Variants in RIPOR3 observed in about 807,000 individuals in gnomAD.
The protein encoded by RIPOR3 is family with sequence similarity 65 member C.
RIPOR3 carries 95 observed loss-of-function variants against 114.3 expected under a neutral mutation model. The observed-to-expected ratio is 0.83, with a 90% confidence interval of 0.70 to 0.99. RIPOR3 has a LOEUF of 0.99. Among genes scored for constraint, RIPOR3 ranks in the 50% least tolerant of loss-of-function variants. RIPOR3 has a pLI of 0.00. For missense variants in RIPOR3, 1,252 were observed against 1,266.9 expected (o/e 0.99, Z 0.18); for synonymous variants, 575 against 543.8 (o/e 1.06, Z -0.80).
At chr20:50,600,517 G>A (rs755514033) in intron 13 of RIPOR3, among the ~76,000 whole-genome samples, 5 of 152,170 alleles carry the variant, frequency 3.3e-5, no homozygotes, top group Non-Finnish European at 7.3e-5. Context: ...CCAACGCTTC[G>A]GGAGGCTGAG....
intron 1 of RIPOR3, among the ~76,000 whole-genome samples, chr20:50,667,905 G>A (rs1445867919): frequency 1.3e-5 from 2 of 152,202 alleles, no homozygotes; most frequent in Non-Finnish European, 2.9e-5. Context: ...GTGGAAAGGG[G>A]ATACTAATAC....
chr20:50,604,681 G>A lies in RIPOR3; in HGVS notation c.1050C>T (p.Pro350=), dbSNP rs1487625140. 1.9e-6 allele frequency: 3 copies of A among 1,609,564 alleles called. No homozygotes were observed. The highest frequency in any genetic ancestry group is 2.2e-5 in the East Asian group (1 of 44,454). The stretch of plus-strand genomic sequence containing the variant: ...TCTCCCGGAAGCTGGGGGTGCTCGG[G>A]GGTGTCCAGTTGTACAAGGAGCCCT... ...SRKGSLYNWT[P]PSTPSFRERY... The change falls in exon 12 of 22, where the codon CCC becomes CCT. Residue 350 remains proline (P), a synonymous_variant. Coordinates refer to ENST00000327979, the MANE Select transcript of RIPOR3 (RefSeq NM_001290268.2).
chr20:50,635,225 A>T (rs2084943013), intron 1 of RIPOR3, among the ~76,000 whole-genome samples: 1 of 152,212 alleles, frequency 6.6e-6, no homozygotes, highest in African/African-American at 2.4e-5. Flanking sequence ...GTTGAGGATG[A>T]TGGGTGGCCC....
chr20:50,618,814 G>T (rs559621898), intron 3 of RIPOR3, among the ~76,000 whole-genome samples: 16 of 152,336 alleles, frequency 1.1e-4, no homozygotes, highest in African/African-American at 3.4e-4. Context: ...AGTGGCTTAT[G>T]TCTGTAATCC....
At position 50,609,708 on chromosome 20, in the gene RIPOR3, G is replaced by A. The variant is rs1474478204; in HGVS notation, c.441C>T (p.Tyr147=). The change falls in exon 7 of 22, where the codon TAC becomes TAT. Residue 147 remains tyrosine, a synonymous_variant. Coordinates refer to ENST00000327979, the MANE Select transcript of RIPOR3 (RefSeq NM_001290268.2). ...EFHISKVDEL[Y]EDYCIQCRLR... ...GGCGGCACTGGATGCAGTAGTCCTCGTACAGCTCATCCACCTGTGGTGGGC... is the reference window on the plus strand; with the variant it reads ...GGCGGCACTGGATGCAGTAGTCCTCATACAGCTCATCCACCTGTGGTGGGC... The A allele has an allele frequency of 1.8e-5, 25 of 1,380,044 alleles. No individual in the cohort carries two copies. Among genetic ancestry groups the A allele is most frequent in the African/African-American group, 3.0e-5 (2 of 65,686 alleles). The allele number at this position is 1,380,044 out of a possible 1,614,324, so 85.5% of individuals were successfully genotyped here.
At position 50,589,945 on chromosome 20, in the gene RIPOR3, A is replaced by G. The variant is rs74561863; in HGVS notation, c.2578-176T>C. The stretch of plus-strand genomic sequence containing the variant: ...CCCTGTGTACACAGTCACAAGATCT[A>G]TACTGTGGTGTTTAATTTATCCCTA... On this transcript the variant is annotated intron_variant, in intron 19 of 21. Transcript: ENST00000327979. 4.5e-3 allele frequency: 2,554 copies of G among 567,194 alleles called. 29 individuals carry two copies. The highest frequency in any genetic ancestry group is 0.033 in the African/African-American group (1,776 of 53,316). The allele number at this position is 567,194 out of a possible 1,614,324, so 35.1% of individuals were successfully genotyped here. A position where few individuals can be genotyped will look rare whatever the true frequency, so the allele number is the denominator to read the frequency against.
At chr20:50,594,820 A>G (rs2083234300) in intron 16 of RIPOR3, 106 bp from the exon 17 acceptor site, 2 of 1,336,060 alleles carry the variant, frequency 1.5e-6, no homozygotes, top group South Asian at 1.4e-5. Context: ...GGAGGAGGGG[A>G]CGGTGTGGCT....
At chr20:50,597,269 A>G (rs1004428506) in intron 14 of RIPOR3, 1 of 266,384 alleles carries the variant, frequency 3.8e-6, no homozygotes, top group Non-Finnish European at 7.3e-6. Flanking sequence ...CCTGGCCTCA[A>G]AGAACTTCTA....
intron 14 of RIPOR3, 21 bp downstream of exon 14, chr20:50,597,559 G>A (rs778995960): frequency 6.3e-6 from 10 of 1,593,066 alleles, no homozygotes; most frequent in Non-Finnish European, 8.5e-6. Flanking sequence ...CTGGGTCACT[G>A]CTGGAAGGAG....
chr20:50,605,954 A>G (rs1439674969), intron 11 of RIPOR3, among the ~76,000 whole-genome samples: 3 of 152,150 alleles, frequency 2.0e-5, no homozygotes, highest in East Asian at 3.9e-4. Context: ...CTGTAATCCC[A>G]GCACTTTGGG....
chr20:50,626,518 A>G (rs2084625162), intron 2 of RIPOR3, among the ~76,000 whole-genome samples: 1 of 152,206 alleles, frequency 6.6e-6, no homozygotes, highest in Non-Finnish European at 1.5e-5. Context: ...CCAGGAATCC[A>G]GGAAGGGGCC....
intron 13 of RIPOR3, among the ~76,000 whole-genome samples, chr20:50,599,926 A>T (rs545288620): frequency 1.3e-5 from 2 of 151,752 alleles, no homozygotes; most frequent in East Asian, 3.9e-4. Context: ...TGAGAGAGAG[A>T]GTCTCGCTCT....
At chr20:50,630,662 G>A (rs916793315) in intron 2 of RIPOR3, 76 bp downstream of exon 2, 1 of 1,302,464 alleles carries the variant, frequency 7.7e-7, no homozygotes, top group Non-Finnish European at 1.1e-6. Flanking sequence ...AGCAGGAGGA[G>A]GATGACCCTG....
At chr20:50,652,751 C>T (rs2085665426) in intron 1 of RIPOR3, among the ~76,000 whole-genome samples, 1 of 152,186 alleles carries the variant, frequency 6.6e-6, no homozygotes, top group Non-Finnish European at 1.5e-5. Context: ...TACCACTGCA[C>T]ATACACGAGG....
intron 16 of RIPOR3, 175 bp from the exon 17 acceptor site, chr20:50,594,889 C>G: frequency 3.0e-6 from 2 of 665,050 alleles, no homozygotes; most frequent in Non-Finnish European, 4.9e-6. Context: ...TGGCTCTAAG[C>G]ATCTTACCAG....
At chr20:50,643,302 T>TG (rs58005835) in intron 1 of RIPOR3, among the ~76,000 whole-genome samples, 27,256 of 114,294 alleles carry the variant, frequency 0.24, 2,898 homozygotes, top group African/African-American at 0.48. Flanking sequence ...TTGTGTGTGT[T>TG]TTTTTTTTTT....
At chr20:50,631,431 G>A (rs1035214229) in intron 1 of RIPOR3, among the ~76,000 whole-genome samples, 1 of 152,220 alleles carries the variant, frequency 6.6e-6, no homozygotes, top group Non-Finnish European at 1.5e-5. Context: ...AAGGCCGAGG[G>A]AACAGCCTGG....
At chr20:50,647,184 G>T (rs997476056) in intron 1 of RIPOR3, among the ~76,000 whole-genome samples, 1 of 152,184 alleles carries the variant, frequency 6.6e-6, no homozygotes, top group Non-Finnish European at 1.5e-5. Context: ...GCCAGGCGTG[G>T]TGGCGGACGC....
At chr20:50,623,151 C>T (rs2084483204) in intron 2 of RIPOR3, among the ~76,000 whole-genome samples, 1 of 151,368 alleles carries the variant, frequency 6.6e-6, no homozygotes, top group Non-Finnish European at 1.5e-5. Context: ...ATCCCAGCTA[C>T]TCGGGAGGCT....
Sources: allele counts gnomAD v4.1 joint callset (sites outside exome capture counted in the v4.1 genomes callset), GRCh38; gene constraint gnomAD v4.1.1; transcripts MANE v1.5; gene names NCBI Gene and HGNC (gene_info 2026-07-23, HGNC 2026-07-21).